ENY2: variants seen among roughly 807,000 people sequenced by gnomAD.
ENY2 encodes the protein ENY2 transcription and export complex 2 subunit.
Under a neutral mutation model 15.9 loss-of-function variants are expected in ENY2, and 4 were observed. The observed-to-expected ratio is 0.25, with a 90% CI of 0.12 to 0.57. ENY2 has a LOEUF of 0.57. Ranked by LOEUF, ENY2 falls within the 20% of genes least tolerant of loss-of-function variation. The pLI is 0.91. For synonymous variants in ENY2, 48 were observed against 38.0 expected, an observed-to-expected ratio of 1.26 and a Z score of -0.97; for missense variants, 54 against 117.2, an observed-to-expected ratio of 0.46 and a Z score of 2.49.
chr8:109,338,983 T>C, intron 2 of ENY2: 1 of 225,954 alleles, frequency 4.4e-6, no homozygotes, highest in East Asian at 1.0e-4. Flanking sequence ...TAATACTTTC[T>C]AGATGTTGTA....
intron 1 of ENY2, chr8:109,335,174 A>T (rs1815935380): frequency 6.6e-6 from 1 of 152,140 alleles, no homozygotes; most frequent in African/African-American, 2.4e-5. Context: ...TTTTACTGAC[A>T]ATTGAGGACT....
At chr8:109,341,083 C>T (rs1396340682) in intron 4 of ENY2, among the ~76,000 whole-genome samples, 2 of 152,048 alleles carry the variant, frequency 1.3e-5, no homozygotes, top group African/African-American at 4.8e-5. Flanking sequence ...ACCTTTAATG[C>T]CTTGTTTACA....
rs1038714150 is a variant in ENY2 at position 109,345,134 on chromosome 8, A to T, written c.*1653A>T. On this transcript the variant is annotated 3_prime_UTR_variant, in exon 5 of 5. Transcript: ENST00000521688. The stretch of plus-strand genomic sequence containing the variant: ...AGAGTTCAGCTTTAGTTGCTAAAAC[A>T]TTCAGACATCCCTCTGACTTAGATC... 2.6e-5 allele frequency: 4 copies of T among 152,202 alleles called. No homozygotes were observed. The highest frequency in any genetic ancestry group is 9.6e-5 in the African/African-American group (4 of 41,454). The allele number at this position is 152,202 out of a possible 1,614,324, so 9.4% of individuals were successfully genotyped here.
At position 109,344,827 on chromosome 8, in the gene ENY2, A is replaced by G. The variant is rs1816202447; in HGVS notation, c.*1346A>G. 1 of 152,178 alleles carries G rather than the reference A, an allele frequency of 6.6e-6. No homozygotes were observed. Among genetic ancestry groups the G allele is most frequent in the Non-Finnish European group, 1.5e-5 (1 of 68,042 alleles). 9.4% of individuals were successfully genotyped at this position (152,178 alleles called of 1,614,324 possible). On this transcript the variant is annotated 3_prime_UTR_variant, in exon 5 of 5. Transcript: ENST00000521688. The stretch of plus-strand genomic sequence containing the variant: ...CCCAGATTATTGTAGTAGACTTAGT[A>G]TTTCTTTGCCTTAGTTGATCTGTGA...
chr8:109,340,980 T>G (rs1406907772), intron 4 of ENY2, among the ~76,000 whole-genome samples: 3 of 152,160 alleles, frequency 2.0e-5, no homozygotes, highest in African/African-American at 7.2e-5. Flanking sequence ...AGGTCTGTCT[T>G]AAATGTCTAC....
In ENY2 at chr8:109,334,399, T is replaced by C. The variant is rs1815903868; in HGVS notation, c.-70T>C. 6.2e-7 allele frequency: 1 copy of C among 1,609,976 alleles called. No individual in the cohort carries two copies. Among genetic ancestry groups the C allele is most frequent in the Non-Finnish European group, 8.5e-7 (1 of 1,177,710 alleles). ...GGTCTAAGTCCGGGCAGCCGAAGAG[T>C]GTGGTAGGTAACGGTCCTCAGCGCA... On this transcript the variant is annotated 5_prime_UTR_variant, in exon 1 of 5. Coordinates refer to ENST00000521688, the MANE Select transcript of ENY2 (RefSeq NM_020189.6).
At position 109,334,531 on chromosome 8, in the gene ENY2, C is replaced by A. The variant is rs900224830; in HGVS notation, c.6+57C>A. 5.0e-6 allele frequency: 8 copies of A among 1,584,874 alleles called. 1 individual carries two copies. The East Asian group carries it at 1.8e-4, about 36-fold the overall frequency. ...ACCCGGGCCCAGCCCAGGCTCCTTT[C>A]GATGTACTGTCTTTCGTTAGCGTCC... On this transcript the variant is annotated intron_variant, in intron 1 of 4. Transcript: ENST00000521688.
At chr8:109,337,641 C>T (rs939945897) in intron 2 of ENY2, among the ~76,000 whole-genome samples, 1 of 152,106 alleles carries the variant, frequency 6.6e-6, no homozygotes, top group Non-Finnish European at 1.5e-5. Context: ...TAGTGGCTCA[C>T]GCCTGTAATC....
At chr8:109,340,594 A>C in intron 4 of ENY2, 31 bp downstream of exon 4, 4 of 1,606,984 alleles carry the variant, frequency 2.5e-6, no homozygotes, top group Non-Finnish European at 3.4e-6. Flanking sequence ...TAAAGGAAAC[A>C]TGCTGCAGAC....
intron 1 of ENY2, chr8:109,335,252 A>C (rs1815937737): frequency 6.6e-6 from 1 of 152,168 alleles, no homozygotes; most frequent in Admixed American, 6.5e-5. Flanking sequence ...GTGTAAACAC[A>C]CACATCCACA....
In ENY2 at chr8:109,344,607, G is replaced by A. The variant is rs1816196220; in HGVS notation, c.*1126G>A. ...CCTGCTATATTCCTTATTTCTGAAT[G>A]GTACCTCCTAGCTATATAGATTATC... On this transcript the variant is annotated 3_prime_UTR_variant, in exon 5 of 5. Coordinates refer to ENST00000521688, the MANE Select transcript of ENY2 (RefSeq NM_020189.6). 6.6e-6 allele frequency: 1 copy of A among 152,028 alleles called. No homozygotes were observed. Among genetic ancestry groups the A allele is most frequent in the Non-Finnish European group, 1.5e-5 (1 of 68,032 alleles). The allele number at this position is 152,028 out of a possible 1,614,324, so 9.4% of individuals were successfully genotyped here.
intron 4 of ENY2, 138 bp downstream of exon 4, chr8:109,340,701 T>A: frequency 9.7e-7 from 1 of 1,029,584 alleles, no homozygotes; most frequent in Non-Finnish European, 1.4e-6. Context: ...TAAAATTGCC[T>A]ACCTGCCTCC....
intron 1 of ENY2, chr8:109,335,428 T>A (rs1815948428): frequency 6.7e-6 from 1 of 149,026 alleles, no homozygotes; most frequent in African/African-American, 2.5e-5. Flanking sequence ...AGCAGCGCAA[T>A]GTCGGCTCAC....
At chr8:109,339,686 T>C in intron 3 of ENY2, 1 of 289,104 alleles carries the variant, frequency 3.5e-6, no homozygotes, top group Non-Finnish European at 6.4e-6. Flanking sequence ...TGGAACACTT[T>C]AGGGTTGGCA....
At chr8:109,337,813 C>T (rs1816022573) in intron 2 of ENY2, among the ~76,000 whole-genome samples, 1 of 151,866 alleles carries the variant, frequency 6.6e-6, no homozygotes, top group Non-Finnish European at 1.5e-5. Context: ...GCAGGTGAAT[C>T]GCTTGAACTC....
chr8:109,336,056 T>A (rs759571444), intron 1 of ENY2, 72 bp from the exon 2 acceptor site: 197 of 1,380,000 alleles, frequency 1.4e-4, no homozygotes, highest in Non-Finnish European at 1.9e-4. Context: ...CATGTTAGGA[T>A]GCCTGCCTAG....
intron 2 of ENY2, 128 bp downstream of exon 2, chr8:109,336,332 C>A: frequency 2.4e-6 from 2 of 825,870 alleles, no homozygotes; most frequent in South Asian, 1.9e-5. Flanking sequence ...GTTTCTATTC[C>A]GAACATCTGG....
At chr8:109,337,325 A>G (rs545337410) in intron 2 of ENY2, among the ~76,000 whole-genome samples, 2 of 151,378 alleles carry the variant, frequency 1.3e-5, no homozygotes, top group East Asian at 3.9e-4. Flanking sequence ...AGAGGATAGT[A>G]CTGCTGGTAA....
intron 2 of ENY2, chr8:109,339,093 T>C (rs2130189799): frequency 1.8e-6 from 1 of 555,210 alleles, no homozygotes; most frequent in East Asian, 2.9e-5. Context: ...CTCCACTTCA[T>C]TTAATTTCAC....
Sources: allele counts gnomAD v4.1 joint callset (sites outside exome capture counted in the v4.1 genomes callset), GRCh38; gene constraint gnomAD v4.1.1; transcripts MANE v1.5; gene names NCBI Gene and HGNC (gene_info 2026-07-23, HGNC 2026-07-21).